RCC1: variants seen among roughly 807,000 people sequenced by gnomAD.
The protein encoded by RCC1 is regulator of chromosome condensation.
Under a neutral mutation model 44.4 loss-of-function variants are expected in RCC1, and 11 were observed. The ratio of observed to expected loss-of-function variants is 0.25; its 90% CI spans 0.16 to 0.41. RCC1 has a LOEUF of 0.41. Ranked by LOEUF, RCC1 falls within the 10% of genes least tolerant of loss-of-function variation. The pLI is 1.00. For synonymous variants in RCC1, 213 were observed against 216.5 expected, an observed-to-expected ratio of 0.98 and a Z score of 0.14; for missense variants, 386 against 547.1, an observed-to-expected ratio of 0.71 and a Z score of 2.94.
chr1:28,511,268 G>A (rs1662518065), intron 3 of RCC1, among the ~76,000 whole-genome samples: 1 of 152,132 alleles, frequency 6.6e-6, no homozygotes, highest in Non-Finnish European at 1.5e-5. Context: ...GTTGTAATAA[G>A]GACAAAGGAG....
chr1:28,527,085 G>T, intron 4 of RCC1: 1 of 973,306 alleles, frequency 1.0e-6, no homozygotes, highest in Non-Finnish European at 1.6e-6. Flanking sequence ...TGCTTGACCG[G>T]AACCAGACCA....
Position 28,536,485 on chromosome 1 carries a change from T to A in RCC1, c.937+104T>A. 7.0e-7 allele frequency: 1 copy of A among 1,430,378 alleles called. No individual in the cohort carries two copies. The highest frequency in any genetic ancestry group is 9.5e-7 in the Non-Finnish European group (1 of 1,057,882). 88.6% of individuals were successfully genotyped at this position (1,430,378 alleles called of 1,614,324 possible). ...GTCCTTGGAGCCTGGGTCTGTTCCA[T>A]GGGTTGTACCATACATGGGTCCATG... On this transcript the variant is annotated intron_variant, in intron 11 of 12. Coordinates refer to ENST00000683442, the MANE Select transcript of RCC1 (RefSeq NM_001381865.2). The surrounding 1 kb of genome is among the most constrained non-coding windows in gnomAD (Gnocchi z 4.9).
intron 12 of RCC1, among the ~76,000 whole-genome samples, chr1:28,537,573 G>C (rs985915057): frequency 3.3e-5 from 5 of 152,236 alleles, no homozygotes; most frequent in Admixed American, 2.6e-4. Context: ...GGAACAGAGG[G>C]TGGGGTAGGA....
chr1:28,515,933 G>A (rs137928098), intron 3 of RCC1, among the ~76,000 whole-genome samples: 34 of 152,120 alleles, frequency 2.2e-4, no homozygotes, highest in Middle Eastern at 6.8e-3. Flanking sequence ...TGTAATCCCA[G>A]CACTTTGGTA....
chr1:28,508,871 T>G lies in RCC1; in HGVS notation c.-187T>G. 1 of 517,434 alleles carries G rather than the reference T, an allele frequency of 1.9e-6. No individual in the cohort carries two copies. Among genetic ancestry groups the G allele is most frequent in the South Asian group, 1.4e-5 (1 of 71,188 alleles). The allele number at this position is 517,434 out of a possible 1,614,324, so 32.1% of individuals were successfully genotyped here. On this transcript the variant is annotated 5_prime_UTR_variant, in exon 3 of 13. Coordinates refer to ENST00000683442, the MANE Select transcript of RCC1 (RefSeq NM_001381865.2). ...CACTTCGCATTTTGGCATTGACATT[T>G]AATTTTAGGGTCCTTTATATAGAAG...
chr1:28,529,534 A>G (rs1663964048), intron 4 of RCC1, among the ~76,000 whole-genome samples: 2 of 151,930 alleles, frequency 1.3e-5, no homozygotes, highest in South Asian at 4.1e-4. Flanking sequence ...ACATCTTTCT[A>G]TTCAATAGAT....
intron 4 of RCC1, among the ~76,000 whole-genome samples, chr1:28,522,087 T>G (rs1188931017): frequency 6.6e-6 from 1 of 152,146 alleles, no homozygotes; most frequent in Non-Finnish European, 1.5e-5. Flanking sequence ...GGGCTCATAT[T>G]TTAGGAAGTT....
intron 4 of RCC1, among the ~76,000 whole-genome samples, chr1:28,527,747 A>T (rs1663767068): frequency 6.6e-6 from 1 of 152,158 alleles, no homozygotes; most frequent in Non-Finnish European, 1.5e-5. Flanking sequence ...ACGATGGCTC[A>T]CGCCTGTAAT....
chr1:28,533,770 CAAAAAAAAAAA>C (rs747565890), intron 7 of RCC1, among the ~76,000 whole-genome samples: 8 of 31,974 alleles, frequency 2.5e-4, no homozygotes, highest in East Asian at 4.1e-3. Flanking sequence ...AACTCTGTCT[CAAAAAAAAAAA>C]AAAAAAAAAA....
rs1663319677 is a variant in RCC1 at position 28,522,074 on chromosome 1, C to CA, written c.-10+5208dup. The stretch of plus-strand genomic sequence containing the variant: ...GATACAGTGAGTTAGCCGGTGCCCC[C>CA]AGGGGCTCATATTTTAGGAAGTTGA... On this transcript the variant is annotated intron_variant, in intron 4 of 12. Transcript: ENST00000683442. Among the ~76,000 whole-genome samples the CA allele has an allele frequency of 3.9e-5, 6 of 152,318 alleles. No individual in the cohort carries two copies. In the South Asian group the frequency reaches 1.2e-3, roughly 32 times the overall value.
At chr1:28,532,076 G>A in intron 6 of RCC1, 86 bp downstream of exon 6, 1 of 1,565,136 alleles carries the variant, frequency 6.4e-7, no homozygotes, top group Non-Finnish European at 8.7e-7. Flanking sequence ...CATGTTCACT[G>A]TGGAAATGGA....
At chr1:28,507,799 G>T (rs1424642999) in intron 1 of RCC1, 1 of 338,904 alleles carries the variant, frequency 3.0e-6, no homozygotes, top group Non-Finnish European at 5.8e-6. Flanking sequence ...TAAAGACAGG[G>T]TTTCACCATG....
chr1:28,514,875 G>A (rs762057681), intron 3 of RCC1, among the ~76,000 whole-genome samples: 4 of 151,426 alleles, frequency 2.6e-5, no homozygotes, highest in Non-Finnish European at 5.9e-5. Flanking sequence ...ACTCCGTCTC[G>A]AAAAAATAAA....
At chr1:28,529,286 C>A (rs377313162) in intron 4 of RCC1, among the ~76,000 whole-genome samples, 1 of 147,154 alleles carries the variant, frequency 6.8e-6, no homozygotes, top group Admixed American at 7.0e-5. Context: ...CGGGTTCAAG[C>A]GATTCTCCTG....
At chr1:28,527,142 G>A (rs984115795) in intron 4 of RCC1, 3 of 1,274,354 alleles carry the variant, frequency 2.4e-6, no homozygotes, top group Non-Finnish European at 3.4e-6. Context: ...AGGCCTGAGG[G>A]CTGCAGTGGC....
intron 8 of RCC1, 32 bp from the exon 9 acceptor site, chr1:28,535,226 G>C (rs200976400): frequency 6.2e-7 from 1 of 1,614,060 alleles, no homozygotes; most frequent in Non-Finnish European, 8.5e-7. Flanking sequence ...CCTTACAGTT[G>C]TGGCCTGCAT....
chr1:28,516,603 A>G, intron 3 of RCC1, 122 bp from the exon 4 acceptor site: 1 of 221,216 alleles, frequency 4.5e-6, no homozygotes, highest in South Asian at 5.3e-5. Context: ...TTATCTTCCA[A>G]CTGCCATGAG....
chr1:28,507,221 C>T (rs532042198), intron 1 of RCC1: 4 of 411,410 alleles, frequency 9.7e-6, no homozygotes, highest in East Asian at 5.9e-5. Context: ...ATGCATGTTA[C>T]CAGTCTAGAA....
rs188916501 is a variant in RCC1 at position 28,507,327 on chromosome 1, C to A, written c.-261-801C>A. 1.5e-3 allele frequency: 787 copies of A among 512,796 alleles called. 2 individuals carry two copies. The highest frequency in any genetic ancestry group is 2.7e-3 in the Non-Finnish European group (681 of 254,972). 31.8% of individuals were successfully genotyped at this position (512,796 alleles called of 1,614,324 possible). ...GTAACATGAATGGATGAAATTGTTT[C>A]CTATTGGATTCTGTAAATTTATGCG... On this transcript the variant is annotated intron_variant, in intron 1 of 12. Coordinates refer to ENST00000683442, the MANE Select transcript of RCC1 (RefSeq NM_001381865.2).
Sources: gnomAD v4.1 joint callset for allele counts (sites outside exome capture counted in the v4.1 genomes callset) on GRCh38, gnomAD v4.1.1 for gene constraint, Gnocchi (gnomAD v3.1) non-coding constraint, MANE v1.5 for transcripts, NCBI Gene and HGNC (gene_info 2026-07-23, HGNC 2026-07-21) for gene names.